SEMA6D: variants seen among roughly 807,000 people sequenced by gnomAD.
SEMA6D encodes semaphorin-6D.
SEMA6D carries 35 observed loss-of-function variants against 106.6 expected under a neutral mutation model. The ratio of observed to expected loss-of-function variants is 0.33; its 90% CI spans 0.25 to 0.44. The LOEUF (loss-of-function observed/expected upper bound fraction) is 0.44, where lower values mean the gene tolerates loss of function less well. Ranked by LOEUF, SEMA6D falls within the 20% of genes least tolerant of loss-of-function variation. The probability of loss-of-function intolerance (pLI) is 1.00; values close to 1 mark genes in which losing one functional copy is unlikely to be tolerated. For missense variants in SEMA6D, 1,185 were observed against 1,345.9 expected, an observed-to-expected ratio of 0.88 and a Z score of 1.87; for synonymous variants, 499 against 487.7, an observed-to-expected ratio of 1.02 and a Z score of -0.31.
At chr15:47,414,224 T>C (rs965279053) in intron 2 of SEMA6D, among the ~76,000 whole-genome samples, 2 of 152,182 alleles carry the variant, frequency 1.3e-5, no homozygotes, top group African/African-American at 4.8e-5. Context: ...CCCTTGAAAA[T>C]TAAATAACTT....
intron 4 of SEMA6D, among the ~76,000 whole-genome samples, chr15:47,618,417 C>T (rs988688161): frequency 1.4e-4 from 21 of 152,224 alleles, no homozygotes; most frequent in African/African-American, 5.1e-4. Flanking sequence ...CATGGCAACA[C>T]TTTCAGAAGA....
intron 1 of SEMA6D, among the ~76,000 whole-genome samples, chr15:47,375,291 C>A (rs1228764678): frequency 6.6e-6 from 1 of 152,186 alleles, no homozygotes; most frequent in Non-Finnish European, 1.5e-5. Flanking sequence ...CAACTACGAT[C>A]TTGGGAAGAA....
chr15:47,750,169 C>T (rs1038696275), intron 1 of SEMA6D, among the ~76,000 whole-genome samples: 2 of 151,994 alleles, frequency 1.3e-5, no homozygotes, highest in African/African-American at 4.8e-5. Flanking sequence ...GCAGAGGCAG[C>T]CTCAAGGTCA....
intron 3 of SEMA6D, among the ~76,000 whole-genome samples, chr15:47,498,657 A>C (rs2043748728): frequency 6.6e-6 from 1 of 152,292 alleles, no homozygotes; most frequent in South Asian, 2.1e-4. Flanking sequence ...GGATATGTTT[A>C]TCAAGGACCG....
At chr15:47,602,141 A>G (rs1167214152) in intron 4 of SEMA6D, among the ~76,000 whole-genome samples, 1 of 152,196 alleles carries the variant, frequency 6.6e-6, no homozygotes, top group East Asian at 1.9e-4. Flanking sequence ...TTAGAGGAGT[A>G]ATTCCTTCAG....
chr15:47,469,847 C>G (rs528610369), intron 2 of SEMA6D, among the ~76,000 whole-genome samples: 6 of 152,234 alleles, frequency 3.9e-5, no homozygotes, highest in Admixed American at 1.3e-4. Context: ...TTAAGATTTA[C>G]TTTACTCCCA....
intron 1 of SEMA6D, among the ~76,000 whole-genome samples, chr15:47,321,206 T>C (rs6493270): frequency 0.2 from 30,368 of 152,100 alleles, 3,662 homozygotes; most frequent in African/African-American, 0.33. Context: ...GTAAAGAGTA[T>C]CTGGTACAGT....
intron 2 of SEMA6D, among the ~76,000 whole-genome samples, chr15:47,470,076 A>C (rs1257913535): frequency 1.3e-5 from 2 of 152,226 alleles, no homozygotes; most frequent in African/African-American, 4.8e-5. Flanking sequence ...TACCCAAATT[A>C]GTTAAAAGAG....
At chr15:47,609,316 G>GTAT (rs1372808446) in intron 4 of SEMA6D, among the ~76,000 whole-genome samples, 10 of 152,152 alleles carry the variant, frequency 6.6e-5, no homozygotes, top group African/African-American at 2.2e-4. Context: ...TGCTGCAGTG[G>GTAT]AAAAACCATG....
intron 3 of SEMA6D, among the ~76,000 whole-genome samples, chr15:47,583,464 C>A (rs1176793073): frequency 1.3e-5 from 2 of 152,044 alleles, no homozygotes; most frequent in Admixed American, 6.5e-5. Flanking sequence ...GTAGTCAGGG[C>A]TGGAAGTTGT....
chr15:47,455,836 G>A (rs907214294), intron 2 of SEMA6D, among the ~76,000 whole-genome samples: 1 of 151,884 alleles, frequency 6.6e-6, no homozygotes, highest in Non-Finnish European at 1.5e-5. Flanking sequence ...CAAGACCCTG[G>A]GAGAGATCCT....
intron 1 of SEMA6D, among the ~76,000 whole-genome samples, chr15:47,308,206 A>C (rs756155969): frequency 6.6e-6 from 1 of 152,162 alleles, no homozygotes; most frequent in Admixed American, 6.5e-5. Flanking sequence ...CATATTCTAC[A>C]TAGGTGAAAA....
At chr15:47,456,986 G>T (rs75676332) in intron 2 of SEMA6D, among the ~76,000 whole-genome samples, 1 of 152,012 alleles carries the variant, frequency 6.6e-6, no homozygotes. Context: ...TCTTGAGAAA[G>T]AACCAATAAA....
intron 1 of SEMA6D, among the ~76,000 whole-genome samples, chr15:47,397,065 T>C (rs957125603): frequency 1.3e-5 from 2 of 152,184 alleles, no homozygotes; most frequent in African/African-American, 4.8e-5. Flanking sequence ...ATAAGTCCCT[T>C]CTCTTCCCCA....
chr15:47,661,005 CA>C (rs2077906088), intron 4 of SEMA6D, among the ~76,000 whole-genome samples: 1 of 152,312 alleles, frequency 6.6e-6, no homozygotes, highest in South Asian at 2.1e-4. Context: ...CCACAGTTAT[CA>C]GTTCGTTTCC....
intron 1 of SEMA6D, among the ~76,000 whole-genome samples, chr15:47,267,142 C>G (rs890375959): frequency 6.6e-6 from 1 of 152,088 alleles, no homozygotes; most frequent in African/African-American, 2.4e-5. Context: ...AATTCTTGAA[C>G]ATTCTCTGAG....
intron 1 of SEMA6D, among the ~76,000 whole-genome samples, chr15:47,300,636 A>G (rs1018618690): frequency 1.3e-5 from 2 of 152,272 alleles, no homozygotes; most frequent in Non-Finnish European, 2.9e-5. Context: ...TGGTACTCAT[A>G]GGTTTTAATT....
At chr15:47,552,831 T>TATATATATATAAATATATATAA (rs1566882575) in intron 3 of SEMA6D, among the ~76,000 whole-genome samples, 1 of 72,504 alleles carries the variant, frequency 1.4e-5, no homozygotes, top group African/African-American at 9.3e-5. Flanking sequence ...TATATATTTT[T>TATATATATATAAATATATATAA]ATATATATAT....
chr15:47,231,682 G>T (rs2032205782), intron 1 of SEMA6D, among the ~76,000 whole-genome samples: 1 of 151,840 alleles, frequency 6.6e-6, no homozygotes, highest in Non-Finnish European at 1.5e-5. Context: ...ACATAAAACT[G>T]TGCCCCAGCA....
Sources: gnomAD v4.1 joint callset for allele counts (sites outside exome capture counted in the v4.1 genomes callset) on GRCh38, gnomAD v4.1.1 for gene constraint, MANE v1.5 for transcripts, NCBI Gene and HGNC (gene_info 2026-07-23, HGNC 2026-07-21) for gene names.